MANBA: variants seen among roughly 807,000 people sequenced by gnomAD.
The protein encoded by MANBA is mannosidase beta.
In MANBA, 83 loss-of-function variants were observed where a neutral mutation model predicts 111.1. The ratio of observed to expected loss-of-function variants is 0.75; its 90% CI spans 0.63 to 0.90. The LOEUF is 0.90. Among genes scored for constraint, MANBA ranks in the 40% least tolerant of loss-of-function variants. The pLI is 0.00. For missense variants in MANBA, 1,036 were observed against 1,069.0 expected, an observed-to-expected ratio of 0.97 and a Z score of 0.43; for synonymous variants, 370 against 378.7, an observed-to-expected ratio of 0.98 and a Z score of 0.27.
Position 102,703,112 on chromosome 4 carries a change from C to T in MANBA, c.673+11326G>A, listed in dbSNP as rs58377895. 9.1e-3 allele frequency among the ~76,000 whole-genome samples: 1,389 copies of T among 152,148 alleles called. 28 individuals carry two copies. The highest frequency in any genetic ancestry group is 0.032 in the African/African-American group (1,319 of 41,470). Reference sequence around the variant, plus strand: ...CTACTACAGAGATAGCTACTGTTTGCATTAGTTGTTGTTTGTTTACTTGTT... The same window carrying T: ...CTACTACAGAGATAGCTACTGTTTGTATTAGTTGTTGTTTGTTTACTTGTT... On this transcript the variant is annotated intron_variant, in intron 5 of 16. Coordinates refer to ENST00000647097, the MANE Select transcript of MANBA (RefSeq NM_005908.4).
intron 5 of MANBA, among the ~76,000 whole-genome samples, chr4:102,713,681 C>T (rs1312760919): frequency 1.3e-5 from 2 of 152,150 alleles, no homozygotes; most frequent in East Asian, 3.9e-4. Flanking sequence ...GCGGGCAGAT[C>T]ACCTGAGGTC....
intron 1 of MANBA, among the ~76,000 whole-genome samples, chr4:102,733,517 C>T (rs995055733): frequency 6.6e-6 from 1 of 152,104 alleles, no homozygotes; most frequent in African/African-American, 2.4e-5. Context: ...CCACTCCCAG[C>T]TAATTTTTTA....
chr4:102,707,458 A>G (rs1733350326), intron 5 of MANBA, among the ~76,000 whole-genome samples: 1 of 152,212 alleles, frequency 6.6e-6, no homozygotes, highest in African/African-American at 2.4e-5. Context: ...AAGCAAAAGG[A>G]CAATATCTAC....
At chr4:102,663,572 T>G (rs193218859) in intron 11 of MANBA, among the ~76,000 whole-genome samples, 7 of 152,362 alleles carry the variant, frequency 4.6e-5, no homozygotes, top group Admixed American at 6.5e-5. Context: ...AACTATAAAT[T>G]TGAACCCATG....
chr4:102,726,676 TA>T lies in MANBA; in HGVS notation c.184del (p.Tyr62ThrfsTer35). On this transcript the variant is annotated frameshift_variant, in exon 2 of 17. Coordinates refer to ENST00000647097, the MANE Select transcript of MANBA (RefSeq NM_005908.4). LOFTEE classifies it high-confidence loss of function. Reference sequence around the variant, plus strand: ...GTAGTTAAGGTCATTAAATCTGTAGTAAGAATCCTGTTGATACAAGGTAAAA... The same window carrying T: ...GTAGTTAAGGTCATTAAATCTGTAGTAGAATCCTGTTGATACAAGGTAAAA... ...LFQQGLIQDS[Y>X]YRFNDLNYRW... 1 of 1,512,048 alleles carries T rather than the reference TA, an allele frequency of 6.6e-7. No individual in the cohort carries two copies. Among genetic ancestry groups the T allele is most frequent in the Non-Finnish European group, 9.2e-7 (1 of 1,087,794 alleles). 93.7% of individuals were successfully genotyped at this position (1,512,048 alleles called of 1,614,324 possible). A position where few individuals can be genotyped will look rare whatever the true frequency, so the allele number is the denominator to read the frequency against.
At chr4:102,709,508 T>TCTTCCAA (rs1721956690) in intron 5 of MANBA, among the ~76,000 whole-genome samples, 1 of 151,932 alleles carries the variant, frequency 6.6e-6, no homozygotes, top group African/African-American at 2.4e-5. Flanking sequence ...AGCAATAAAA[T>TCTTCCAA]CTTCCAACAG....
intron 10 of MANBA, 172 bp downstream of exon 10, chr4:102,668,791 G>A: frequency 1.6e-6 from 1 of 617,774 alleles, no homozygotes; most frequent in South Asian, 1.8e-5. Flanking sequence ...GCCAATAGAT[G>A]ATGGTAAAGC....
chr4:102,683,038 T>C (rs1732054137), intron 7 of MANBA, among the ~76,000 whole-genome samples: 1 of 152,254 alleles, frequency 6.6e-6, no homozygotes, highest in African/African-American at 2.4e-5. Flanking sequence ...TTTGGCTATG[T>C]ACTTTTAAGG....
Position 102,650,574 on chromosome 4 carries a change from G to A in MANBA, c.1832C>T (p.Pro611Leu). ...GATGGTATCTTTAAATGTGCGTAAT[G>A]GATCTGTGCTTTGGGGGAGTTTGAA... ...LHFKLPQSTD[P>L]LRTFKDTIYL... The change falls in exon 13 of 17, where the codon CCA becomes CTA. Residue 611 changes from proline (P) to leucine (L), a missense_variant. Coordinates refer to ENST00000647097, the MANE Select transcript of MANBA (RefSeq NM_005908.4). The A allele has an allele frequency of 6.2e-7, 1 of 1,613,446 alleles. No homozygotes were observed. The highest frequency in any genetic ancestry group is 8.5e-7 in the Non-Finnish European group (1 of 1,179,430).
At chr4:102,721,621 A>G (rs1170393514) in intron 4 of MANBA, among the ~76,000 whole-genome samples, 1 of 152,232 alleles carries the variant, frequency 6.6e-6, no homozygotes, top group African/African-American at 2.4e-5. Context: ...CACATGCTAC[A>G]ACATGGATGA....
At chr4:102,739,377 A>G (rs956515722) in intron 1 of MANBA, among the ~76,000 whole-genome samples, 2 of 152,236 alleles carry the variant, frequency 1.3e-5, no homozygotes, top group African/African-American at 2.4e-5. Flanking sequence ...TCAGACATTC[A>G]AAGAAAGATT....
At position 102,728,155 on chromosome 4, in the gene MANBA, T is replaced by C. The variant is rs1578943836; in HGVS notation, c.178-1472A>G. 1.2e-4 allele frequency: 66 copies of C among 538,952 alleles called. 1 individual carries two copies. Among genetic ancestry groups the C allele is most frequent in the South Asian group, 8.6e-4 (62 of 72,448 alleles). The allele number at this position is 538,952 out of a possible 1,614,324, so 33.4% of individuals were successfully genotyped here. On this transcript the variant is annotated intron_variant, in intron 1 of 16. Transcript: ENST00000647097. ...AAGGCTTGGTATAGATGGCGTTTCC[T>C]GCTAACTTCTCATGCCCCTGCTCTA...
At chr4:102,652,602 A>G (rs925090282) in intron 12 of MANBA, among the ~76,000 whole-genome samples, 29 of 152,286 alleles carry the variant, frequency 1.9e-4, no homozygotes, top group African/African-American at 5.5e-4. Flanking sequence ...GGTACTCATA[A>G]AAACCCGGCC....
intron 5 of MANBA, among the ~76,000 whole-genome samples, chr4:102,695,035 A>T (rs940554849): frequency 6.6e-6 from 1 of 152,186 alleles, no homozygotes; most frequent in African/African-American, 2.4e-5. Flanking sequence ...AAAGAAAAAA[A>T]CAAAGAGCAC....
chr4:102,732,581 A>T (rs542860976), intron 1 of MANBA, among the ~76,000 whole-genome samples: 2 of 152,364 alleles, frequency 1.3e-5, no homozygotes, highest in East Asian at 3.9e-4. Context: ...ACTGGAAGAA[A>T]TATTTTGATA....
chr4:102,727,734 G>T, intron 1 of MANBA: 2 of 851,770 alleles, frequency 2.3e-6, no homozygotes, highest in Non-Finnish European at 4.0e-6. Context: ...GGTGCCTTCT[G>T]GCATAGTAGT....
chr4:102,726,562 TA>T (rs1722812275), intron 2 of MANBA, 26 bp downstream of exon 2: 3 of 1,178,336 alleles, frequency 2.5e-6, no homozygotes, highest in South Asian at 2.6e-5. Context: ...CAAATAATAA[TA>T]AAAATACACC....
intron 13 of MANBA, among the ~76,000 whole-genome samples, chr4:102,649,008 T>A (rs1435036223): frequency 6.6e-6 from 1 of 152,160 alleles, no homozygotes; most frequent in Non-Finnish European, 1.5e-5. Context: ...CAGTTATGTA[T>A]CCTTTTATGT....
At chr4:102,693,822 T>A (rs1351218873) in intron 5 of MANBA, among the ~76,000 whole-genome samples, 1 of 151,462 alleles carries the variant, frequency 6.6e-6, no homozygotes, top group Non-Finnish European at 1.5e-5. Flanking sequence ...CATTCCAACC[T>A]TTCTTTAAAT....
Sources: allele counts gnomAD v4.1 joint callset (sites outside exome capture counted in the v4.1 genomes callset), GRCh38; gene constraint gnomAD v4.1.1; transcripts MANE v1.5; gene names NCBI Gene and HGNC (gene_info 2026-07-23, HGNC 2026-07-21).